MAP3K15: variants seen among roughly 807,000 people sequenced by gnomAD.
MAP3K15 encodes mitogen-activated protein kinase kinase kinase 15, also known as MAPK/ERK kinase kinase 15.
In MAP3K15, 124 loss-of-function variants were observed where a neutral mutation model predicts 99.5. The ratio of observed to expected loss-of-function variants is 1.25; its 90% confidence interval spans 1.08 to 1.45. The LOEUF is 1.45. Among genes scored for constraint, MAP3K15 ranks in the 40% most tolerant of loss-of-function variants. MAP3K15 has a pLI of 0.00. For synonymous variants in MAP3K15, 494 were observed against 439.6 expected, an observed-to-expected ratio of 1.12 and a Z score of -1.55; for missense variants, 1,242 against 1,079.7, an observed-to-expected ratio of 1.15 and a Z score of -2.11.
intron 16 of MAP3K15, among the ~76,000 whole-genome samples, chrX:19,393,532 G>C (rs2063541817): frequency 9.1e-6 from 1 of 110,131 alleles, no homozygotes; most frequent in African/African-American, 3.3e-5. Context: ...TTGAGAGGCT[G>C]AGGCAGAGAG....
chrX:19,424,297 TATATATACACAC>T (rs1169514713), intron 9 of MAP3K15, among the ~76,000 whole-genome samples: 1 of 90,971 alleles, frequency 1.1e-5, no homozygotes, highest in Non-Finnish European at 1.9e-5. Context: ...TATATACACA[TATATATACACAC>T]ATATATATAC....
intron 1 of MAP3K15, 43 bp downstream of exon 1, chrX:19,514,858 G>C: frequency 1.1e-6 from 1 of 893,380 alleles, no homozygotes. Flanking sequence ...CTCGTGTGAG[G>C]GTAGGTGAAC....
chrX:19,460,768 T>G (rs1170895549), intron 4 of MAP3K15, among the ~76,000 whole-genome samples: 9 of 110,128 alleles, frequency 8.2e-5, no homozygotes, highest in South Asian at 3.8e-4. Context: ...TTTGTTTTTT[T>G]TTTTTTATTT....
intron 1 of MAP3K15, among the ~76,000 whole-genome samples, chrX:19,495,879 C>G (rs1461871747): frequency 4.5e-5 from 5 of 110,601 alleles, no homozygotes; most frequent in Admixed American, 9.7e-5. Flanking sequence ...TCGCTTGAGC[C>G]CAGGACTTTG....
rs1373128055 is a variant in MAP3K15, at chrX:19,380,268, T to C, written c.2441A>G (p.Gln814Arg). ...PCTETFTGTL[Q>R]YMAPEIIDQG... ...GTCAATTATCTCAGGTGCCATGTAC[T>C]GCAGGGTGCCTATTTGGAAAACAAA... The change falls in exon 19 of 29, where the codon CAG becomes CGG. Residue 814 changes from glutamine (Q) to arginine (R), a missense_variant. Physicochemically the swap from Gln to Arg is conservative, Grantham distance 43 (BLOSUM62 1). Transcript: ENST00000338883. The C allele has an allele frequency of 8.3e-7, 1 of 1,208,915 alleles. No homozygotes were observed. The highest frequency in any genetic ancestry group is 2.2e-5 in the Admixed American group (1 of 45,596).
At chrX:19,379,403 CCTA>C (rs1475316569) in intron 19 of MAP3K15, among the ~76,000 whole-genome samples, 3 of 105,690 alleles carry the variant, frequency 2.8e-5, no homozygotes, top group African/African-American at 1.0e-4. Context: ...TCCAAAACTA[CCTA>C]CTGTCTTAAA....
At chrX:19,467,224 C>T (rs1224139863) in intron 3 of MAP3K15, among the ~76,000 whole-genome samples, 1 of 110,852 alleles carries the variant, frequency 9.0e-6, no homozygotes, top group African/African-American at 3.3e-5. Context: ...ATAAACTGCT[C>T]CCCCGCCCCC....
At chrX:19,444,800 A>G (rs1233605768) in intron 6 of MAP3K15, among the ~76,000 whole-genome samples, 1 of 111,770 alleles carries the variant, frequency 8.9e-6, no homozygotes, top group Non-Finnish European at 1.9e-5. Flanking sequence ...GATTTAAAAC[A>G]ACATCAACTC....
At chrX:19,461,120 T>C (rs2147358363) in intron 4 of MAP3K15, among the ~76,000 whole-genome samples, 1 of 112,167 alleles carries the variant, frequency 8.9e-6, no homozygotes, top group East Asian at 2.8e-4. Flanking sequence ...GCTGGGACCA[T>C]AGGCGCCCGC....
At chrX:19,471,318 G>A (rs1312531006) in intron 3 of MAP3K15, among the ~76,000 whole-genome samples, 1 of 109,433 alleles carries the variant, frequency 9.1e-6, no homozygotes. Flanking sequence ...AGGTTGGAGT[G>A]CAATGGCACG....
At chrX:19,468,052 C>G (rs138617017) in intron 3 of MAP3K15, among the ~76,000 whole-genome samples, 3 of 111,408 alleles carry the variant, frequency 2.7e-5, no homozygotes, top group African/African-American at 9.8e-5. Context: ...AGCAGTGGTA[C>G]AGAGCTCTGA....
At chrX:19,448,772 T>C (rs1172064595) in intron 6 of MAP3K15, among the ~76,000 whole-genome samples, 1 of 109,811 alleles carries the variant, frequency 9.1e-6, no homozygotes, top group Non-Finnish European at 1.9e-5. Flanking sequence ...CAGACTATCA[T>C]TGGAGATGAC....
At chrX:19,397,036 A>C (rs758604838) in intron 15 of MAP3K15, among the ~76,000 whole-genome samples, 1 of 109,134 alleles carries the variant, frequency 9.2e-6, no homozygotes, top group South Asian at 4.0e-4. Flanking sequence ...AGTAGCTGGG[A>C]CTACAGGTGT....
rs2064213215 is a variant in MAP3K15 at position 19,472,252 on chromosome X, AT to A, written c.526-7847del. On this transcript the variant is annotated intron_variant, in intron 3 of 28. Coordinates refer to ENST00000338883, the MANE Select transcript of MAP3K15 (RefSeq NM_001001671.4). Reference sequence around the variant, plus strand: ...AATAATAATAATAATAATAATAATAATAATAATAATAATAATAAAGAAATTT... The same window carrying A: ...AATAATAATAATAATAATAATAATAAAATAATAATAATAATAAAGAAATTT... 3.8e-5 allele frequency among the ~76,000 whole-genome samples: 4 copies of A among 105,554 alleles called. No individual in the cohort carries two copies. The Admixed American group carries it at 4.2e-4, about 11-fold the overall frequency. 91.7% of individuals were successfully genotyped at this position (105,554 alleles called of 115,157 possible).
intron 18 of MAP3K15, among the ~76,000 whole-genome samples, chrX:19,384,418 A>G (rs2063480396): frequency 9.1e-6 from 1 of 109,552 alleles, no homozygotes; most frequent in Admixed American, 9.9e-5. Context: ...AAGATCTAGT[A>G]TTTGATAGCA....
chrX:19,515,359 T>C lies in MAP3K15; in HGVS notation c.-98A>G. 1 of 522,888 alleles carries C rather than the reference T, an allele frequency of 1.9e-6. No homozygotes were observed. Among genetic ancestry groups the C allele is most frequent in the Non-Finnish European group, 2.4e-6 (1 of 417,758 alleles). 43.1% of individuals were successfully genotyped at this position (522,888 alleles called of 1,213,427 possible). A position where few individuals can be genotyped will look rare whatever the true frequency, so the allele number is the denominator to read the frequency against. On this transcript the variant is annotated 5_prime_UTR_variant, in exon 1 of 29. Coordinates refer to ENST00000338883, the MANE Select transcript of MAP3K15 (RefSeq NM_001001671.4). ...CAGCCGCGCAGGCGGTCCCGGCACC[T>C]GCTCCTGAAGCGCGGGACGCTACGG...
chrX:19,376,861 C>A (rs1251947388), intron 19 of MAP3K15: 5 of 108,320 alleles, frequency 4.6e-5, no homozygotes, highest in Non-Finnish European at 9.5e-5. Context: ...CACTGTTTCA[C>A]TTGACTAGTT....
At chrX:19,373,767 C>T in intron 20 of MAP3K15, 72 bp from the exon 21 acceptor site, 1 of 1,084,684 alleles carries the variant, frequency 9.2e-7, no homozygotes, top group Non-Finnish European at 1.2e-6. Flanking sequence ...TCCCTGGCAG[C>T]CCCTCAAGCC....
intron 10 of MAP3K15, 94 bp downstream of exon 10, chrX:19,415,013 A>T (rs1312633217): frequency 2.7e-6 from 2 of 748,401 alleles, no homozygotes; most frequent in Middle Eastern, 4.0e-4. Flanking sequence ...ATTACTCTAC[A>T]GTTTTCTTCA....
Sources: gnomAD v4.1 joint callset for allele counts (sites outside exome capture counted in the v4.1 genomes callset) on GRCh38, gnomAD v4.1.1 for gene constraint, MANE v1.5 for transcripts, NCBI Gene and HGNC (gene_info 2026-07-23, HGNC 2026-07-21) for gene names.